Variants in ENTREP2 observed in about 807,000 individuals in gnomAD.
ENTREP2 encodes the protein endosomal transmembrane epsin interactor 2, also known as protein ENTREP2.
the ENTREP2 span, among the ~76,000 whole-genome samples, chr15:29,159,816 C>T: frequency 6.6e-6 from 1 of 152,198 alleles, no homozygotes; most frequent in East Asian, 1.9e-4. Context: ...AATCCCTTAG[C>T]TAGACATAAA....
At chr15:29,327,477 C>T in the ENTREP2 span, among the ~76,000 whole-genome samples, 1 of 151,898 alleles carries the variant, frequency 6.6e-6, no homozygotes, top group Non-Finnish European at 1.5e-5. Flanking sequence ...CGCCTGTAGT[C>T]CCAGCTGCTC....
chr15:29,151,780 G>C, the ENTREP2 span: 1 of 1,551,732 alleles, frequency 6.4e-7, no homozygotes, highest in Non-Finnish European at 8.7e-7. Flanking sequence ...GCACATGGCT[G>C]TGGCCAGCGC....
the ENTREP2 span, among the ~76,000 whole-genome samples, chr15:29,406,279 A>G: frequency 6.6e-6 from 1 of 152,192 alleles, no homozygotes; most frequent in Non-Finnish European, 1.5e-5. Flanking sequence ...GAAAAGATAA[A>G]CATAAGCCTG....
the ENTREP2 span, among the ~76,000 whole-genome samples, chr15:29,160,430 G>A: frequency 6.6e-6 from 1 of 152,072 alleles, no homozygotes; most frequent in Non-Finnish European, 1.5e-5. Context: ...CCAGCACGCT[G>A]TCACCTCTCA....
chr15:29,286,100 T>C, the ENTREP2 span, among the ~76,000 whole-genome samples: 2 of 152,114 alleles, frequency 1.3e-5, no homozygotes, highest in South Asian at 4.1e-4. Flanking sequence ...ATATGTAAAA[T>C]AATGAGAATG....
the ENTREP2 span, among the ~76,000 whole-genome samples, chr15:29,453,990 T>C: frequency 1.3e-5 from 2 of 152,202 alleles, no homozygotes; most frequent in Non-Finnish European, 2.9e-5. Flanking sequence ...GATTTTAATA[T>C]AAACCCTTAG....
chr15:29,344,712 A>G, the ENTREP2 span, among the ~76,000 whole-genome samples: 1 of 152,096 alleles, frequency 6.6e-6, no homozygotes, highest in East Asian at 1.9e-4. Flanking sequence ...CTGGGCACTC[A>G]GACTGCATTC....
chr15:29,623,075 TG>T, the ENTREP2 span, among the ~76,000 whole-genome samples: 1 of 152,220 alleles, frequency 6.6e-6, no homozygotes, highest in Non-Finnish European at 1.5e-5. Flanking sequence ...CTTTATACTT[TG>T]TTAAATTATC....
At chr15:29,507,263 C>G in the ENTREP2 span, among the ~76,000 whole-genome samples, 10 of 152,150 alleles carry the variant, frequency 6.6e-5, no homozygotes, top group African/African-American at 2.4e-4. Flanking sequence ...AAAGCAAGTT[C>G]TTAGAGACCT....
At chr15:29,237,805 G>A in the ENTREP2 span, among the ~76,000 whole-genome samples, 9 of 152,080 alleles carry the variant, frequency 5.9e-5, no homozygotes, top group African/African-American at 2.2e-4. Context: ...TCTATTCCGA[G>A]GTATTAGGTT....
chr15:29,596,768 A>G, the ENTREP2 span, among the ~76,000 whole-genome samples: 98 of 152,080 alleles, frequency 6.4e-4, 3 homozygotes, highest in South Asian at 0.019. Flanking sequence ...CCTGGGTTCA[A>G]GCCATTCTCC....
chr15:29,235,033 T>C, the ENTREP2 span: 3 of 1,205,608 alleles, frequency 2.5e-6, no homozygotes, highest in Admixed American at 5.1e-5. Flanking sequence ...AGATAAATTC[T>C]CTTCTTCCCA....
the ENTREP2 span, among the ~76,000 whole-genome samples, chr15:29,532,288 T>C: frequency 1.3e-5 from 2 of 152,332 alleles, no homozygotes; most frequent in East Asian, 1.9e-4. Flanking sequence ...ACTAAAACTT[T>C]GAAATATATT....
chr15:29,149,806 C>G, the ENTREP2 span, among the ~76,000 whole-genome samples: 1 of 152,230 alleles, frequency 6.6e-6, no homozygotes, highest in Non-Finnish European at 1.5e-5. Flanking sequence ...AGCCGGGGGT[C>G]TCATCACGAG....
At chr15:29,454,029 A>C in the ENTREP2 span, among the ~76,000 whole-genome samples, 3 of 152,200 alleles carry the variant, frequency 2.0e-5, no homozygotes, top group Non-Finnish European at 2.9e-5. Flanking sequence ...AAAGGTCACA[A>C]ACACTTCTTT....
At chr15:29,269,250 G>T in the ENTREP2 span, 2 of 1,614,186 alleles carry the variant, frequency 1.2e-6, no homozygotes, top group South Asian at 2.2e-5. Context: ...TGATGAGGAT[G>T]TAAGTGTTGC....
chr15:29,285,605 T>C, the ENTREP2 span, among the ~76,000 whole-genome samples: 2 of 152,308 alleles, frequency 1.3e-5, no homozygotes, highest in South Asian at 4.1e-4. Context: ...CAGGCCAAGA[T>C]GACTTCACTA....
chr15:29,517,893 T>C, the ENTREP2 span, among the ~76,000 whole-genome samples: 1 of 152,220 alleles, frequency 6.6e-6, no homozygotes, highest in Admixed American at 6.5e-5. Flanking sequence ...ATAATCAAGC[T>C]AATTAACATG....
chr15:29,519,851 T>C, the ENTREP2 span, among the ~76,000 whole-genome samples: 2 of 152,192 alleles, frequency 1.3e-5, no homozygotes, highest in African/African-American at 2.4e-5. Flanking sequence ...CCTGCCTTAA[T>C]TGATGACATT....
Sources: gnomAD v4.1 joint callset for allele counts (sites outside exome capture counted in the v4.1 genomes callset) on GRCh38, gnomAD v4.1.1 for gene constraint, MANE v1.5 for transcripts, NCBI Gene and HGNC (gene_info 2026-07-23, HGNC 2026-07-21) for gene names.